Variants in NRG1 observed in about 807,000 individuals in gnomAD.
NRG1 encodes neuregulin 1, also known as pro-neuregulin-1, membrane-bound isoform.
NRG1 carries 18 observed loss-of-function variants against 63.8 expected under a neutral mutation model. The observed-to-expected ratio is 0.28, with a 90% CI of 0.19 to 0.42. NRG1 has a LOEUF of 0.42. NRG1 is among the 10% of genes least tolerant of loss of function. NRG1 has a pLI of 1.00. For synonymous variants in NRG1, 302 were observed against 301.3 expected (o/e 1.00, Z -0.02); for missense variants, 762 against 814.7 (o/e 0.94, Z 0.79).
chr8:32,441,966 G>A lies in NRG1; in HGVS notation c.38-153862G>A, dbSNP rs77695069. ...AAATAAAGCATATTTAAAGCTCCTA[G>A]GTTAGTGCTTCATTTATGAAGGTCA... On this transcript the variant is annotated intron_variant, in intron 1 of 10. Transcript: ENST00000519301. Among the ~76,000 whole-genome samples, 661 of 152,146 alleles carry A rather than the reference G, an allele frequency of 4.3e-3. 5 individuals carry two copies. Among genetic ancestry groups the A allele is most frequent in the African/African-American group, 0.016 (645 of 41,510 alleles).
chr8:32,554,286 C>CTGCACTTG (rs1834681274), intron 1 of NRG1, among the ~76,000 whole-genome samples: 1 of 151,944 alleles, frequency 6.6e-6, no homozygotes, highest in South Asian at 2.1e-4. Flanking sequence ...TTGTGCATGT[C>CTGCACTTG]TGCACTTGTG....
At chr8:32,487,083 T>G (rs2129494139) in intron 1 of NRG1, among the ~76,000 whole-genome samples, 1 of 152,144 alleles carries the variant, frequency 6.6e-6, no homozygotes. Context: ...AAAGTACATT[T>G]TTGTCAAATG....
chr8:31,737,216 G>T (rs527883700), intron 1 of NRG1, among the ~76,000 whole-genome samples: 2 of 152,022 alleles, frequency 1.3e-5, no homozygotes, highest in East Asian at 3.9e-4. Flanking sequence ...TTTTTGCTTG[G>T]TTTTCCTTCA....
chr8:32,001,157 T>C (rs1812859680), intron 1 of NRG1, among the ~76,000 whole-genome samples: 1 of 152,064 alleles, frequency 6.6e-6, no homozygotes. Flanking sequence ...TTATTTTTTA[T>C]TGATATCTGA....
At chr8:31,845,491 T>G (rs1826601445) in intron 1 of NRG1, among the ~76,000 whole-genome samples, 1 of 152,150 alleles carries the variant, frequency 6.6e-6, no homozygotes, top group South Asian at 2.1e-4. Context: ...TCCTGAAATG[T>G]GGAGGAGGTT....
intron 1 of NRG1, among the ~76,000 whole-genome samples, chr8:32,351,274 C>G (rs1805568962): frequency 6.6e-6 from 1 of 152,132 alleles, no homozygotes; most frequent in African/African-American, 2.4e-5. Context: ...CCCAGAAAGT[C>G]TTAGCCAGGA....
At chr8:32,183,371 C>CT (rs1212297610) in intron 1 of NRG1, among the ~76,000 whole-genome samples, 4 of 152,320 alleles carry the variant, frequency 2.6e-5, no homozygotes, top group African/African-American at 9.6e-5. Flanking sequence ...GTCTTCCTCT[C>CT]TTTTTTGGTT....
intron 1 of NRG1, among the ~76,000 whole-genome samples, chr8:32,023,353 A>G (rs1025452843): frequency 1.3e-5 from 2 of 152,230 alleles, no homozygotes; most frequent in East Asian, 3.8e-4. Context: ...ACAAAAGTGG[A>G]ATGAAACTTG....
At chr8:32,245,180 A>G (rs990768791) in intron 1 of NRG1, among the ~76,000 whole-genome samples, 1 of 152,150 alleles carries the variant, frequency 6.6e-6, no homozygotes, top group South Asian at 2.1e-4. Flanking sequence ...AAGTAGTTGG[A>G]CTTCAGCTGG....
intron 1 of NRG1, among the ~76,000 whole-genome samples, chr8:32,557,267 A>G (rs1478386528): frequency 3.9e-5 from 6 of 152,256 alleles, no homozygotes; most frequent in African/African-American, 1.4e-4. Flanking sequence ...TCGGCCTCCC[A>G]AAGTGCTGGG....
At chr8:32,428,435 C>T (rs756984991) in intron 1 of NRG1, among the ~76,000 whole-genome samples, 5 of 151,546 alleles carry the variant, frequency 3.3e-5, no homozygotes, top group East Asian at 3.9e-4. Flanking sequence ...TAAAGCAGGG[C>T]TTCATTGTTG....
chr8:32,352,959 T>TAG (rs201651989), intron 1 of NRG1, among the ~76,000 whole-genome samples: 18,266 of 134,602 alleles, frequency 0.14, 1,260 homozygotes, highest in Middle Eastern at 0.18. Context: ...TATATATATA[T>TAG]ATACAGAGAG....
chr8:32,281,299 T>TCATTCCC (rs1398690503), intron 1 of NRG1, among the ~76,000 whole-genome samples: 2 of 150,734 alleles, frequency 1.3e-5, no homozygotes, highest in African/African-American at 4.9e-5. Context: ...TGCCTCAGCC[T>TCATTCCC]CCTGAGTAGT....
At chr8:32,749,491 G>T (rs1280202523) in intron 7 of NRG1, 6 of 1,452,194 alleles carry the variant, frequency 4.1e-6, no homozygotes, top group Non-Finnish European at 5.8e-6. Flanking sequence ...GTTTTGGAGT[G>T]CAGTGTATTG....
intron 1 of NRG1, among the ~76,000 whole-genome samples, chr8:32,359,593 G>A (rs1806947749): frequency 6.6e-6 from 1 of 152,200 alleles, no homozygotes; most frequent in Non-Finnish European, 1.5e-5. Flanking sequence ...TGTAAAATAT[G>A]CAGGATAAGA....
chr8:32,700,078 C>T (rs147692446), intron 5 of NRG1, among the ~76,000 whole-genome samples: 1 of 152,056 alleles, frequency 6.6e-6, no homozygotes, highest in East Asian at 1.9e-4. Context: ...ATTAGCAGAC[C>T]CCCTCCCATT....
chr8:32,761,354 G>A (rs1830641522), intron 11 of NRG1, among the ~76,000 whole-genome samples: 1 of 152,096 alleles, frequency 6.6e-6, no homozygotes, highest in African/African-American at 2.4e-5. Flanking sequence ...CCATACTTAT[G>A]TGGTAGTTAC....
intron 1 of NRG1, among the ~76,000 whole-genome samples, chr8:32,113,858 T>C (rs1255498821): frequency 6.6e-6 from 1 of 152,222 alleles, no homozygotes; most frequent in Admixed American, 6.5e-5. Flanking sequence ...GTATGTGTGA[T>C]GTGTACCATT....
chr8:32,186,393 G>A lies in NRG1; in HGVS notation c.38-409435G>A, dbSNP rs771194034. Reference sequence around the variant, plus strand: ...GGAGAATGGCGTTAACCCAGCTGGCGGAGTTTGCAGTAAGCCGAGATGGCG... The same window carrying A: ...GGAGAATGGCGTTAACCCAGCTGGCAGAGTTTGCAGTAAGCCGAGATGGCG... On this transcript the variant is annotated intron_variant, in intron 1 of 10. Transcript: ENST00000519301. Among the ~76,000 whole-genome samples the A allele has an allele frequency of 4.6e-5, 7 of 151,414 alleles. No individual in the cohort carries two copies. The South Asian group carries it at 6.3e-4, about 14-fold the overall frequency.
Sources: gnomAD v4.1 joint callset for allele counts (sites outside exome capture counted in the v4.1 genomes callset) on GRCh38, gnomAD v4.1.1 for gene constraint, MANE v1.5 for transcripts, NCBI Gene and HGNC (gene_info 2026-07-23, HGNC 2026-07-21) for gene names.